The following CPED1 variants were observed in gnomAD, a reference collection of about 807,000 sequenced individuals.
The protein encoded by CPED1 is cadherin-like and PC-esterase domain-containing protein 1.
A neutral mutation model predicts 128.2 loss-of-function variants in CPED1; 114 were observed. The ratio of observed to expected loss-of-function variants is 0.89; its 90% CI spans 0.76 to 1.04. The LOEUF is 1.04. Ranked by LOEUF, CPED1 falls within the 50% of genes least tolerant of loss-of-function variation. The pLI is 0.00. For synonymous variants in CPED1, 462 were observed against 426.7 expected (o/e 1.08, Z -1.02); for missense variants, 1,211 against 1,207.1 (o/e 1.00, Z -0.05).
chr7:121,202,325 AC>A (rs1381549725), intron 16 of CPED1, among the ~76,000 whole-genome samples: 4 of 152,128 alleles, frequency 2.6e-5, no homozygotes, highest in Admixed American at 2.6e-4. Flanking sequence ...CCACAAGAAT[AC>A]GGCAACCAGT....
intron 16 of CPED1, among the ~76,000 whole-genome samples, chr7:121,187,959 G>A (rs1797041495): frequency 6.6e-6 from 1 of 152,120 alleles, no homozygotes; most frequent in Non-Finnish European, 1.5e-5. Context: ...TAATGTTCAT[G>A]TTTTGTTAGG....
intron 22 of CPED1, among the ~76,000 whole-genome samples, chr7:121,274,755 A>C (rs556914641): frequency 6.6e-6 from 1 of 152,230 alleles, no homozygotes; most frequent in African/African-American, 2.4e-5. Flanking sequence ...CTAAATCATC[A>C]CCTAACATCT....
chr7:121,163,244 C>A (rs948066081), intron 16 of CPED1, among the ~76,000 whole-genome samples: 4 of 152,196 alleles, frequency 2.6e-5, no homozygotes, highest in African/African-American at 9.6e-5. Flanking sequence ...CATTTCTACC[C>A]CACTCCCCAC....
At chr7:121,060,972 G>T (rs991845473) in intron 4 of CPED1, among the ~76,000 whole-genome samples, 2 of 151,310 alleles carry the variant, frequency 1.3e-5, no homozygotes, top group African/African-American at 4.9e-5. Flanking sequence ...CTCCAGACGC[G>T]CCACCTTAAG....
At chr7:120,996,491 G>T (rs1796407897) in intron 2 of CPED1, among the ~76,000 whole-genome samples, 1 of 152,034 alleles carries the variant, frequency 6.6e-6, no homozygotes. Context: ...CTTGCATGTT[G>T]CTTCCTCTTC....
At chr7:121,037,879 T>G (rs1324127388) in intron 3 of CPED1, among the ~76,000 whole-genome samples, 1 of 152,114 alleles carries the variant, frequency 6.6e-6, no homozygotes, top group Non-Finnish European at 1.5e-5. Flanking sequence ...TCCCTGAGTA[T>G]TATTATTATT....
chr7:121,022,136 G>A (rs368438758), intron 3 of CPED1, among the ~76,000 whole-genome samples: 3 of 151,522 alleles, frequency 2.0e-5, no homozygotes, highest in African/African-American at 7.3e-5. Context: ...TTCCACATAG[G>A]GGCATATGAT....
At chr7:121,117,450 T>G (rs145049787) in intron 7 of CPED1, among the ~76,000 whole-genome samples, 327 of 152,246 alleles carry the variant, frequency 2.1e-3, no homozygotes, top group African/African-American at 7.3e-3. Flanking sequence ...ATTATATCAC[T>G]ACTTAGGTTT....
chr7:121,222,923 C>G (rs1428655630), intron 16 of CPED1, among the ~76,000 whole-genome samples: 1 of 152,144 alleles, frequency 6.6e-6, no homozygotes, highest in Non-Finnish European at 1.5e-5. Context: ...TTGACTTCCT[C>G]TTTTACTAAC....
At chr7:121,170,125 A>G (rs1348965640) in intron 16 of CPED1, among the ~76,000 whole-genome samples, 2 of 152,118 alleles carry the variant, frequency 1.3e-5, no homozygotes, top group Non-Finnish European at 2.9e-5. Context: ...ATAGCCAGTG[A>G]GTGTTTGTGG....
chr7:121,014,425 C>A (rs1235189300), intron 2 of CPED1, among the ~76,000 whole-genome samples: 1 of 151,810 alleles, frequency 6.6e-6, no homozygotes, highest in Non-Finnish European at 1.5e-5. Context: ...GTGGCGGGTG[C>A]CTGTAGTCCC....
At chr7:121,051,512 T>C in intron 4 of CPED1, 1 of 451,290 alleles carries the variant, frequency 2.2e-6, no homozygotes, top group Non-Finnish European at 4.1e-6. Context: ...GGTTAGTTTT[T>C]ATATCCTATA....
intron 4 of CPED1, among the ~76,000 whole-genome samples, chr7:121,061,381 TAC>T (rs958377449): frequency 2.6e-5 from 4 of 152,222 alleles, no homozygotes; most frequent in African/African-American, 7.2e-5. Context: ...TATACACACA[TAC>T]ACATAGATGC....
At chr7:121,117,817 T>C (rs896857164) in intron 7 of CPED1, among the ~76,000 whole-genome samples, 6 of 152,184 alleles carry the variant, frequency 3.9e-5, no homozygotes, top group Admixed American at 3.3e-4. Context: ...AAGCAGGTTG[T>C]TCTTTCCCAT....
chr7:121,157,556 C>G (rs1796316440), intron 16 of CPED1, among the ~76,000 whole-genome samples: 1 of 152,144 alleles, frequency 6.6e-6, no homozygotes, highest in Non-Finnish European at 1.5e-5. Context: ...CAATGTCACA[C>G]TGAACTTTGG....
intron 18 of CPED1, among the ~76,000 whole-genome samples, chr7:121,250,243 G>C (rs957946740): frequency 2.0e-5 from 3 of 151,876 alleles, no homozygotes; most frequent in African/African-American, 7.3e-5. Context: ...ACGAAATGAA[G>C]GCAGAAATAA....
intron 7 of CPED1, among the ~76,000 whole-genome samples, chr7:121,120,157 G>T (rs758217071): frequency 2.6e-5 from 4 of 152,178 alleles, no homozygotes; most frequent in Non-Finnish European, 5.9e-5. Context: ...TATGCTGACT[G>T]TATACCCAGA....
intron 16 of CPED1, among the ~76,000 whole-genome samples, chr7:121,217,473 G>A (rs935877471): frequency 6.6e-6 from 1 of 152,010 alleles, no homozygotes; most frequent in Non-Finnish European, 1.5e-5. Context: ...AGATGTCATT[G>A]TTTTGTATTT....
chr7:121,085,423 AT>A (rs977443251), intron 5 of CPED1, among the ~76,000 whole-genome samples: 1 of 152,114 alleles, frequency 6.6e-6, no homozygotes, highest in South Asian at 2.1e-4. Context: ...CTTCTTTATT[AT>A]TTTTTTCTAT....
Sources: gnomAD v4.1 joint callset for allele counts (sites outside exome capture counted in the v4.1 genomes callset) on GRCh38, gnomAD v4.1.1 for gene constraint, MANE v1.5 for transcripts, NCBI Gene and HGNC (gene_info 2026-07-23, HGNC 2026-07-21) for gene names.